The following BAZ2B variants were observed in gnomAD, a reference collection of about 807,000 sequenced individuals.
The protein encoded by BAZ2B is bromodomain adjacent to zinc finger domain protein 2B.
A neutral mutation model predicts 246.0 loss-of-function variants in BAZ2B; 91 were observed. That is an observed-to-expected ratio of 0.37 (90% CI 0.31 to 0.44). The LOEUF (loss-of-function observed/expected upper bound fraction) is 0.44. Among genes scored for constraint, BAZ2B ranks in the 20% least tolerant of loss-of-function variants. The probability of loss-of-function intolerance (pLI) is 1.00; values close to 1 mark genes in which losing one functional copy is unlikely to be tolerated. For missense variants in BAZ2B, 2,332 were observed against 2,533.7 expected (o/e 0.92, Z 1.71); for synonymous variants, 855 against 860.0 (o/e 0.99, Z 0.10).
chr2:159,433,437 T>A, intron 8 of BAZ2B, 74 bp from the exon 9 acceptor site: 20 of 1,361,922 alleles, frequency 1.5e-5, no homozygotes, highest in Non-Finnish European at 1.9e-5. Flanking sequence ...GCTTTCAATA[T>A]CTGAAAACAA....
At chr2:159,320,503 T>C in intron 36 of BAZ2B, 85 bp from the exon 37 acceptor site, 2 of 1,180,804 alleles carry the variant, frequency 1.7e-6, no homozygotes, top group South Asian at 1.6e-5. Flanking sequence ...AGGGTAAAAA[T>C]GAAAGAAAAA....
At chr2:159,554,888 G>GA (rs2088861101) in intron 2 of BAZ2B, among the ~76,000 whole-genome samples, 1 of 151,862 alleles carries the variant, frequency 6.6e-6, no homozygotes, top group Non-Finnish European at 1.5e-5. Flanking sequence ...ACACACAACA[G>GA]AAATTAACAC....
chr2:159,517,166 G>C (rs1041560763), intron 2 of BAZ2B, among the ~76,000 whole-genome samples: 1 of 151,882 alleles, frequency 6.6e-6, no homozygotes, highest in Admixed American at 6.6e-5. Flanking sequence ...CCTATGATCA[G>C]AAAGTTTACA....
chr2:159,662,814 G>C, the BAZ2B span, among the ~76,000 whole-genome samples: 12 of 152,174 alleles, frequency 7.9e-5, no homozygotes, highest in African/African-American at 2.6e-4. Flanking sequence ...TTACCGGAGT[G>C]AGCCACTGCG....
Position 159,431,051 on chromosome 2 carries a change from G to A in BAZ2B, c.2006C>T (p.Ser669Leu). 1 of 1,613,972 alleles carries A rather than the reference G, an allele frequency of 6.2e-7. No individual in the cohort carries two copies. The highest frequency in any genetic ancestry group is 8.5e-7 in the Non-Finnish European group (1 of 1,179,896). The change falls in exon 10 of 37, where the codon TCA becomes TTA. Residue 669 changes from serine to leucine, a missense_variant. Physicochemically the swap from Ser to Leu is moderately radical, Grantham distance 145. Coordinates refer to ENST00000392783, the MANE Select transcript of BAZ2B (RefSeq NM_013450.4). ...SDSDTEGEKTSMKLNKTTSSV... is the reference protein window; with the variant it reads ...SDSDTEGEKTLMKLNKTTSSV... ...GGAAGTTGTTTTATTCAGTTTCATTGAAGTTTTCTCTCCTTCAGTATCACT... is the reference window on the plus strand; with the variant it reads ...GGAAGTTGTTTTATTCAGTTTCATTAAAGTTTTCTCTCCTTCAGTATCACT...
intron 3 of BAZ2B, among the ~76,000 whole-genome samples, chr2:159,474,473 T>C (rs1243407617): frequency 2.6e-5 from 4 of 152,232 alleles, no homozygotes; most frequent in Non-Finnish European, 5.9e-5. Flanking sequence ...ATGGGGCTCC[T>C]GAATACAGCA....
In BAZ2B at chr2:159,428,045, G is replaced by GA. The variant is rs761480705; in HGVS notation, c.2365-4dup. 1.4e-5 allele frequency: 23 copies of GA among 1,610,904 alleles called. No individual in the cohort carries two copies. Among genetic ancestry groups the GA allele is most frequent in the East Asian group, 6.7e-5 (3 of 44,800 alleles). ...ATTATTCCATTTCTGCTGAGATACT[G>GA]AAAAAATCACATATTTTTCCACTTC... On this transcript the variant is annotated splice_region_variant and splice_polypyrimidine_tract_variant and intron_variant, in intron 12 of 36. Transcript: ENST00000392783.
chr2:159,421,187 T>A (rs951019592), intron 13 of BAZ2B, among the ~76,000 whole-genome samples: 9 of 151,890 alleles, frequency 5.9e-5, no homozygotes, highest in Non-Finnish European at 1.3e-4. Flanking sequence ...TTTTTTTTTT[T>A]AATTAGAGAC....
chr2:159,682,663 T>C, the BAZ2B span, among the ~76,000 whole-genome samples: 1 of 152,100 alleles, frequency 6.6e-6, no homozygotes, highest in African/African-American at 2.4e-5. Flanking sequence ...TGTAGGGGCA[T>C]TGGTTGGTGA....
At position 159,452,557 on chromosome 2, in the gene BAZ2B, G is replaced by A. The variant is rs149742649; in HGVS notation, c.334+1056C>T. 2.4e-4 allele frequency among the ~76,000 whole-genome samples: 37 copies of A among 152,218 alleles called. No individual in the cohort carries two copies. The East Asian group carries it at 4.6e-3, about 19-fold the overall frequency. ...TTTGTCTCTAGAATTATGCTATAAC[G>A]TTTTAAATTATCTTACATACACTAA... On this transcript the variant is annotated intron_variant, in intron 4 of 36. Transcript: ENST00000392783.
chr2:159,348,532 G>C, intron 30 of BAZ2B, 146 bp downstream of exon 30: 1 of 932,614 alleles, frequency 1.1e-6, no homozygotes, highest in Non-Finnish European at 1.5e-6. Context: ...ATCTTTCTTT[G>C]ACTGTTTGAT....
chr2:159,315,729 G>C (rs969834019), downstream of BAZ2B, among the ~76,000 whole-genome samples: 1 of 152,158 alleles, frequency 6.6e-6, no homozygotes, highest in African/African-American at 2.4e-5. Context: ...GATTATACAT[G>C]GGCATGAATA....
chr2:159,320,316 A>G lies in BAZ2B; in HGVS notation c.6456T>C (p.Asn2152=). Reference sequence around the variant, plus strand: ...ACTTTTTTTCAAAATACTTCCTCATATTGTGGCCAGCTCTGCCTATATCAG... The same window carrying G: ...ACTTTTTTTCAAAATACTTCCTCATGTTGTGGCCAGCTCTGCCTATATCAG... The part of the protein sequence containing the change: ...DDSDIGRAGH[N]MRKYFEKKWT... Residue 2152 remains asparagine (N), a synonymous_variant, in exon 37 of 37, where the codon AAT becomes AAC. Coordinates refer to ENST00000392783, the MANE Select transcript of BAZ2B (RefSeq NM_013450.4). The G allele has an allele frequency of 6.4e-7, 1 of 1,574,770 alleles. No homozygotes were observed. Among genetic ancestry groups the G allele is most frequent in the Non-Finnish European group, 8.5e-7 (1 of 1,170,320 alleles).
At chr2:159,440,367 ATC>A (rs1207856417) in intron 6 of BAZ2B, among the ~76,000 whole-genome samples, 3 of 152,176 alleles carry the variant, frequency 2.0e-5, no homozygotes, top group African/African-American at 7.2e-5. Context: ...ACAGTAATAT[ATC>A]TCCACAACAG....
the BAZ2B span, among the ~76,000 whole-genome samples, chr2:159,659,347 G>C: frequency 6.6e-6 from 1 of 152,110 alleles, no homozygotes; most frequent in Non-Finnish European, 1.5e-5. Flanking sequence ...AAAAGTTTGA[G>C]CCAAATATTT....
intron 2 of BAZ2B, among the ~76,000 whole-genome samples, chr2:159,485,088 T>C (rs2078365816): frequency 6.6e-6 from 1 of 152,204 alleles, no homozygotes; most frequent in East Asian, 1.9e-4. Flanking sequence ...TCTTTTGGTT[T>C]ATCAGAACCA....
At chr2:159,624,652 T>G in the BAZ2B span, among the ~76,000 whole-genome samples, 5 of 151,980 alleles carry the variant, frequency 3.3e-5, no homozygotes, top group Non-Finnish European at 7.4e-5. Context: ...AAAAAGGACA[T>G]CCACTCAGAG....
At chr2:159,448,213 T>C in intron 5 of BAZ2B, 29 bp downstream of exon 5, 3 of 1,593,030 alleles carry the variant, frequency 1.9e-6, no homozygotes, top group Non-Finnish European at 1.7e-6. Context: ...GGAAGATTTA[T>C]AGTACTTCAC....
At chr2:159,541,689 A>G (rs538339528) in intron 2 of BAZ2B, among the ~76,000 whole-genome samples, 23 of 152,274 alleles carry the variant, frequency 1.5e-4, no homozygotes, top group African/African-American at 5.1e-4. Flanking sequence ...CTCCAGTCAT[A>G]CTGGCTTTTA....
Sources: allele counts gnomAD v4.1 joint callset (sites outside exome capture counted in the v4.1 genomes callset), GRCh38; gene constraint gnomAD v4.1.1; transcripts MANE v1.5; gene names NCBI Gene and HGNC (gene_info 2026-07-23, HGNC 2026-07-21).